The following DGCR8 variants were observed in gnomAD, a reference collection of about 807,000 sequenced individuals.
DGCR8 encodes microprocessor complex subunit DGCR8.
DGCR8 carries 14 observed loss-of-function variants against 78.5 expected under a neutral mutation model. The ratio of observed to expected loss-of-function variants is 0.18; its 90% CI spans 0.12 to 0.28. The LOEUF (loss-of-function observed/expected upper bound fraction) is 0.28, where lower values mean the gene tolerates loss of function less well. DGCR8 is among the 10% of genes least tolerant of loss of function. The pLI is 1.00. For missense variants in DGCR8, 702 were observed against 1,022.5 expected, an observed-to-expected ratio of 0.69 and a Z score of 4.28; for synonymous variants, 399 against 402.4, an observed-to-expected ratio of 0.99 and a Z score of 0.10.
At position 20,110,868 on chromosome 22, in the gene DGCR8, C is replaced by T. The variant is rs1353134811; in HGVS notation, c.*760C>T. 3.9e-6 allele frequency: 1 copy of T among 254,710 alleles called. No individual in the cohort carries two copies. Among genetic ancestry groups the T allele is most frequent in the Non-Finnish European group, 7.4e-6 (1 of 135,830 alleles). 15.8% of individuals were successfully genotyped at this position (254,710 alleles called of 1,614,324 possible). On this transcript the variant is annotated 3_prime_UTR_variant, in exon 14 of 14. Coordinates refer to ENST00000351989, the MANE Select transcript of DGCR8 (RefSeq NM_022720.7). ...AAGCGCCTCTTTGGACACTGAGGCC[C>T]TCTCTGCCTTTCCTGGCCTCCGGCA...
Position 20,092,757 on chromosome 22 carries a change from G to A in DGCR8, c.1607-52G>A, listed in dbSNP as rs2049580840. 7.3e-6 allele frequency: 11 copies of A among 1,515,432 alleles called. No homozygotes were observed. In the East Asian group the frequency reaches 9.1e-5, roughly 12 times the overall value. The allele number at this position is 1,515,432 out of a possible 1,614,324, so 93.9% of individuals were successfully genotyped here. On this transcript the variant is annotated intron_variant, in intron 7 of 13. Coordinates refer to ENST00000351989, the MANE Select transcript of DGCR8 (RefSeq NM_022720.7). ...GTCGGTGTGGGCAGACTGTGCACACGCTTTTGATGTCTTGACTCGTATGTT... is the reference window on the plus strand; with the variant it reads ...GTCGGTGTGGGCAGACTGTGCACACACTTTTGATGTCTTGACTCGTATGTT...
At position 20,084,953 on chromosome 22, in the gene DGCR8, G is replaced by A. The variant is rs140567089; in HGVS notation, c.-277-734G>A. 4,392 of 984,984 alleles carry A rather than the reference G, an allele frequency of 4.5e-3. 11 individuals are homozygous for A. The highest frequency in any genetic ancestry group is 4.9e-3 in the Non-Finnish European group (4,046 of 829,548). The allele number at this position is 984,984 out of a possible 1,614,324, so 61.0% of individuals were successfully genotyped here. On this transcript the variant is annotated intron_variant, in intron 1 of 13. Coordinates refer to ENST00000351989, the MANE Select transcript of DGCR8 (RefSeq NM_022720.7). ...AGTGGCTCCTTATTGTCCCCAGGGC[G>A]GAACGGGCTGCAGGTGGCACCCAGG...
intron 9 of DGCR8, among the ~76,000 whole-genome samples, chr22:20,105,347 G>A (rs568390170): frequency 2.8e-4 from 42 of 152,334 alleles, no homozygotes; most frequent in Non-Finnish European, 4.7e-4. Context: ...AATGGTGAGA[G>A]AATAAACCTC....
chr22:20,111,171 A>G lies in DGCR8; in HGVS notation c.*1063A>G, dbSNP rs944964315. ...GCTTGCTTCTCGACTGGTGGCCCCTATGGGTGGGTGTGCGATGGAAATGTG... is the reference window on the plus strand; with the variant it reads ...GCTTGCTTCTCGACTGGTGGCCCCTGTGGGTGGGTGTGCGATGGAAATGTG... On this transcript the variant is annotated 3_prime_UTR_variant, in exon 14 of 14. Transcript: ENST00000351989. The G allele has an allele frequency of 2.8e-5, 11 of 398,578 alleles. No individual in the cohort carries two copies. Among genetic ancestry groups the G allele is most frequent in the Middle Eastern group, 1.2e-3 (2 of 1,610 alleles). The allele number at this position is 398,578 out of a possible 1,614,324, so 24.7% of individuals were successfully genotyped here. A position where few individuals can be genotyped will look rare whatever the true frequency, so the allele number is the denominator to read the frequency against.
chr22:20,086,436 A>G lies in DGCR8; in HGVS notation c.473A>G (p.Asp158Gly). ...CGLLLSPVSGDVHACPFGGSV... is the reference protein window; with the variant it reads ...CGLLLSPVSGGVHACPFGGSV... ...CTGCTCCTTAGCCCTGTCAGTGGGG[A>G]CGTGCATGCTTGTCCCTTTGGCGGG... The change falls in exon 2 of 14, where the codon GAC (aspartate) becomes GGC (glycine). Residue 158 changes from aspartate (D) to glycine (G), a missense_variant. Coordinates refer to ENST00000351989, the MANE Select transcript of DGCR8 (RefSeq NM_022720.7). This position sits in a 1 kb window ranked among gnomAD's most constrained non-coding sequence, Gnocchi z 6.4. 1 of 1,613,754 alleles carries G rather than the reference A, an allele frequency of 6.2e-7. No individual in the cohort carries two copies. The highest frequency in any genetic ancestry group is 8.5e-7 in the Non-Finnish European group (1 of 1,180,004).
Position 20,086,157 on chromosome 22 carries a change from AC to A in DGCR8, c.198del (p.Phe67SerfsTer21). On this transcript the variant is annotated frameshift_variant, in exon 2 of 14. Coordinates refer to ENST00000351989, the MANE Select transcript of DGCR8 (RefSeq NM_022720.7). LOFTEE classifies it high-confidence loss of function. This position sits in a 1 kb window ranked among gnomAD's most constrained non-coding sequence, Gnocchi z 6.4. ...GGACAGTCCGAACTCCCTGCTGAGGACCCCTTCAACTTCTACGGAGCTTCTC... is the reference window on the plus strand; with the variant it reads ...GGACAGTCCGAACTCCCTGCTGAGGACCCTTCAACTTCTACGGAGCTTCTC... ...GDGQSELPAE[D>X]PFNFYGASLL... 6.2e-7 allele frequency: 1 copy of A among 1,612,432 alleles called. No individual in the cohort carries two copies. The highest frequency in any genetic ancestry group is 8.5e-7 in the Non-Finnish European group (1 of 1,179,622).
At chr22:20,106,744 C>CACACCAGGGGCCA in intron 11 of DGCR8, 46 bp downstream of exon 11, 1 of 1,388,972 alleles carries the variant, frequency 7.2e-7, no homozygotes, top group South Asian at 1.2e-5. Flanking sequence ...GGCGGGCGGC[C>CACACCAGGGGCCA]CCTGGTGTGG....
intron 9 of DGCR8, among the ~76,000 whole-genome samples, chr22:20,103,712 A>G (rs2049734289): frequency 6.6e-6 from 1 of 152,214 alleles, no homozygotes; most frequent in African/African-American, 2.4e-5. Context: ...AGGGCAGGAC[A>G]GATATAGGAT....
Position 20,089,151 on chromosome 22 carries a change from A to G in DGCR8, c.881-518A>G, listed in dbSNP as rs1001738310. Among the ~76,000 whole-genome samples the G allele has an allele frequency of 8.5e-5, 13 of 152,246 alleles. No individual in the cohort carries two copies. Among genetic ancestry groups the G allele is most frequent in the Non-Finnish European group, 1.3e-4 (9 of 68,034 alleles). On this transcript the variant is annotated intron_variant, in intron 3 of 13. Transcript: ENST00000351989. The surrounding 1 kb of genome is among the most constrained non-coding windows in gnomAD (Gnocchi z 4.9). ...TCTTCCTCACAACTGCCTATAAAGC[A>G]AAGAAGGGGTTGGGAGTAGTGTATT...
intron 5 of DGCR8, 39 bp downstream of exon 5, chr22:20,090,297 G>T: frequency 6.5e-7 from 1 of 1,548,554 alleles, no homozygotes; most frequent in South Asian, 1.2e-5. Context: ...TGCCTCCTGG[G>T]ACCCATGAGC....
chr22:20,107,695 G>A, intron 12 of DGCR8: 1 of 423,502 alleles, frequency 2.4e-6, no homozygotes, highest in Non-Finnish European at 4.4e-6. Flanking sequence ...GGCAGGAGAT[G>A]CTGAAGGTGC....
intron 10 of DGCR8, 56 bp downstream of exon 10, chr22:20,106,333 C>T (rs1290000422): frequency 1.5e-5 from 21 of 1,418,376 alleles, no homozygotes; most frequent in African/African-American, 2.8e-5. Flanking sequence ...TCCTCTCTGG[C>T]GTCTCATATT....
chr22:20,091,589 G>A lies in DGCR8; in HGVS notation c.1461G>A (p.Gln487=), dbSNP rs758167410. 1.1e-5 allele frequency: 18 copies of A among 1,614,226 alleles called. No homozygotes were observed. Among genetic ancestry groups the A allele is most frequent in the Non-Finnish European group, 1.5e-5 (18 of 1,180,048 alleles). ...ESERPILPAN[Q]KLITLSVQDA... ...AGAGGCCCATCTTGCCAGCCAATCA[G>A]AAGCTCATTACTTTATCAGTGCAAG... Residue 487 remains glutamine (Q), a synonymous_variant, in exon 6 of 14, where the codon CAG becomes CAA. Coordinates refer to ENST00000351989, the MANE Select transcript of DGCR8 (RefSeq NM_022720.7).
chr22:20,100,488 T>C (rs2049685158), intron 9 of DGCR8: 1 of 985,320 alleles, frequency 1.0e-6, no homozygotes, highest in African/African-American at 1.7e-5. Flanking sequence ...TATGGGTTGC[T>C]GCAGACGATG....
At chr22:20,091,709 T>A in intron 6 of DGCR8, 77 bp downstream of exon 6, 1 of 1,568,100 alleles carries the variant, frequency 6.4e-7, no homozygotes. Context: ...GGGCATGTTT[T>A]ATGAGTTGCA....
At chr22:20,103,968 C>T in intron 9 of DGCR8, among the ~76,000 whole-genome samples, 1 of 152,212 alleles carries the variant, frequency 6.6e-6, no homozygotes, top group East Asian at 1.9e-4. Flanking sequence ...GGTCCTTTGG[C>T]ATCTGCCAGG....
Position 20,110,967 on chromosome 22 carries a change from T to C in DGCR8, c.*859T>C, listed in dbSNP as rs2049834287. 1 of 393,462 alleles carries C rather than the reference T, an allele frequency of 2.5e-6. No homozygotes were observed. The highest frequency in any genetic ancestry group is 1.4e-4 in the South Asian group (1 of 6,982). 24.4% of individuals were successfully genotyped at this position (393,462 alleles called of 1,614,324 possible). On this transcript the variant is annotated 3_prime_UTR_variant, in exon 14 of 14. Transcript: ENST00000351989. ...TTGATTTTTAAAGCTTTTGTGATAT[T>C]TTAGCATTTTGAAAGACTTTCACAG...
chr22:20,109,392 T>C (rs1403773855), intron 13 of DGCR8, among the ~76,000 whole-genome samples: 1 of 152,116 alleles, frequency 6.6e-6, no homozygotes, highest in Non-Finnish European at 1.5e-5. Context: ...AAGAGGGGCC[T>C]GTCAGGCTGG....
intron 8 of DGCR8, 82 bp downstream of exon 8, chr22:20,092,989 T>C: frequency 9.9e-7 from 1 of 1,011,360 alleles, no homozygotes; most frequent in South Asian, 1.5e-5. Flanking sequence ...GGCTGAGCAG[T>C]GGTGACAAGT....
Sources: allele counts gnomAD v4.1 joint callset (sites outside exome capture counted in the v4.1 genomes callset), GRCh38; gene constraint gnomAD v4.1.1; non-coding constraint Gnocchi (gnomAD v3.1); transcripts MANE v1.5; gene names NCBI Gene and HGNC (gene_info 2026-07-23, HGNC 2026-07-21).